GPR55: variants seen among roughly 807,000 people sequenced by gnomAD.
GPR55 encodes the protein G protein-coupled receptor 55, also known as G-protein coupled receptor 55.
In GPR55, 6 loss-of-function variants were observed where a neutral mutation model predicts 7.9. That is an observed-to-expected ratio of 0.76 (90% CI 0.41 to 1.49). GPR55 has a LOEUF of 1.49. Ranked by LOEUF, GPR55 falls within the 40% of genes most tolerant of loss-of-function variation. The probability of loss-of-function intolerance (pLI) is 0.01; values close to 1 mark genes in which losing one functional copy is unlikely to be tolerated. For missense variants in GPR55, 376 were observed against 406.0 expected (o/e 0.93, Z 0.63); for synonymous variants, 183 against 166.8 (o/e 1.10, Z -0.75).
rs1690863413 is a variant in GPR55, at chr2:230,922,558, T to C, written c.-135+2610A>G. 3.3e-5 allele frequency among the ~76,000 whole-genome samples: 5 copies of C among 152,222 alleles called. No individual in the cohort carries two copies. The South Asian group carries it at 1.0e-3, about 32-fold the overall frequency. ...ACCCAATTAATTTTTTATTTTTTGATTTTAAAATTTATTTTTATTTATTTA... is the reference window on the plus strand; with the variant it reads ...ACCCAATTAATTTTTTATTTTTTGACTTTAAAATTTATTTTTATTTATTTA... On this transcript the variant is annotated intron_variant, in intron 1 of 1. Coordinates refer to ENST00000650999, the MANE Select transcript of GPR55 (RefSeq NM_005683.4).
At position 230,924,887 on chromosome 2, in the gene GPR55, C is replaced by A. The variant is rs1411704679; in HGVS notation, c.-135+281G>T. On this transcript the variant is annotated intron_variant, in intron 1 of 1. Coordinates refer to ENST00000650999, the MANE Select transcript of GPR55 (RefSeq NM_005683.4). This position sits in a 1 kb window ranked among gnomAD's most constrained non-coding sequence, Gnocchi z 4.5. ...TTCCCGACCCGACATGATGCTGCAA[C>A]CCTGAGTCAGATCAGGAGGAAGTTG... 1.3e-5 allele frequency among the ~76,000 whole-genome samples: 2 copies of A among 152,132 alleles called. No individual in the cohort carries two copies. The highest frequency in any genetic ancestry group is 4.8e-5 in the African/African-American group (2 of 41,432).
intron 1 of GPR55, among the ~76,000 whole-genome samples, chr2:230,951,724 G>A (rs1691405833): frequency 6.6e-6 from 1 of 150,774 alleles, no homozygotes. Context: ...GCCCAGAGAA[G>A]GTACATTTGT....
chr2:230,940,143 G>A (rs76430782), intron 1 of GPR55, among the ~76,000 whole-genome samples: 3,705 of 152,120 alleles, frequency 0.024, 140 homozygotes, highest in African/African-American at 0.085. Flanking sequence ...GCCTCCCAGG[G>A]GCAGGCGGGA....
At chr2:230,955,460 A>C (rs527829911) in intron 1 of GPR55, among the ~76,000 whole-genome samples, 89 of 152,344 alleles carry the variant, frequency 5.8e-4, no homozygotes, top group African/African-American at 2.1e-3. Context: ...GAATTCCCAC[A>C]ACACAGACAC....
At chr2:230,914,886 T>C (rs1690674226) in intron 1 of GPR55, among the ~76,000 whole-genome samples, 1 of 152,140 alleles carries the variant, frequency 6.6e-6, no homozygotes, top group Non-Finnish European at 1.5e-5. Context: ...TGAAGGATAG[T>C]TGGGAGAGAG....
intron 1 of GPR55, among the ~76,000 whole-genome samples, chr2:230,943,797 G>C (rs570765649): frequency 1.5e-4 from 23 of 152,138 alleles, no homozygotes; most frequent in Admixed American, 5.2e-4. Context: ...CCCCTCCTCT[G>C]CTCCCACTCT....
At chr2:230,928,965 C>T (rs1240380287), upstream of GPR55, among the ~76,000 whole-genome samples, 1 of 152,196 alleles carries the variant, frequency 6.6e-6, no homozygotes, top group East Asian at 1.9e-4. Context: ...TGGCCTCTCC[C>T]CTCCCATTCT....
upstream of GPR55, among the ~76,000 whole-genome samples, chr2:230,927,433 C>A (rs764940901): frequency 6.6e-6 from 1 of 152,260 alleles, no homozygotes; most frequent in Non-Finnish European, 1.5e-5. Flanking sequence ...CCCAAGGCCC[C>A]GTCCTAAGGC....
At chr2:230,921,326 G>C (rs575058741) in intron 1 of GPR55, among the ~76,000 whole-genome samples, 5 of 152,208 alleles carry the variant, frequency 3.3e-5, no homozygotes, top group Non-Finnish European at 7.3e-5. Context: ...TAGACTAGCA[G>C]ATCAGGGAGA....
At chr2:230,955,800 C>T (rs10196605) in intron 1 of GPR55, among the ~76,000 whole-genome samples, 9,766 of 151,648 alleles carry the variant, frequency 0.064, 710 homozygotes, top group East Asian at 0.4. Context: ...GATCACGGCT[C>T]ACTGCAGCCT....
In GPR55 at chr2:230,916,199, C is replaced by A. The variant is rs114566379; in HGVS notation, c.-134-5103G>T. Among the ~76,000 whole-genome samples the A allele has an allele frequency of 7.9e-3, 1,202 of 151,882 alleles. 14 individuals carry two copies. The highest frequency in any genetic ancestry group is 0.028 in the African/African-American group (1,149 of 41,434). ...GACCAGCCTGGGCAACATAGTGAAACTTCATCTCTCCAAAAAAGAAAAAAA... is the reference window on the plus strand; with the variant it reads ...GACCAGCCTGGGCAACATAGTGAAAATTCATCTCTCCAAAAAAGAAAAAAA... On this transcript the variant is annotated intron_variant, in intron 1 of 1. Coordinates refer to ENST00000650999, the MANE Select transcript of GPR55 (RefSeq NM_005683.4).
chr2:230,959,965 A>G (rs563585052), intron 1 of GPR55, among the ~76,000 whole-genome samples: 1 of 152,388 alleles, frequency 6.6e-6, no homozygotes, highest in South Asian at 2.1e-4. Context: ...AGTCAGACTC[A>G]GAAAAGCTCT....
upstream of GPR55, among the ~76,000 whole-genome samples, chr2:230,926,689 T>A: frequency 7.7e-6 from 1 of 130,236 alleles, no homozygotes; most frequent in African/African-American, 3.1e-5. Context: ...CTTCTTTTTT[T>A]TTTTTTTTTT....
intron 1 of GPR55, among the ~76,000 whole-genome samples, chr2:230,931,040 C>T (rs979954197): frequency 6.6e-6 from 1 of 152,200 alleles, no homozygotes; most frequent in African/African-American, 2.4e-5. Context: ...GCCACTCCCC[C>T]GGGAACTGTG....
At chr2:230,938,990 C>T (rs1336672538) in intron 1 of GPR55, among the ~76,000 whole-genome samples, 2 of 152,192 alleles carry the variant, frequency 1.3e-5, no homozygotes, top group African/African-American at 2.4e-5. Flanking sequence ...CCCACCTCGC[C>T]GCCTGGGGCA....
At chr2:230,947,220 C>T (rs921214646) in intron 1 of GPR55, among the ~76,000 whole-genome samples, 1 of 152,156 alleles carries the variant, frequency 6.6e-6, no homozygotes, top group African/African-American at 2.4e-5. Flanking sequence ...TGGTCAGCAC[C>T]ACCAGAGTTT....
At chr2:230,915,682 C>T (rs1011998881) in intron 1 of GPR55, among the ~76,000 whole-genome samples, 26 of 152,298 alleles carry the variant, frequency 1.7e-4, no homozygotes, top group African/African-American at 4.8e-4. Context: ...CTGAATGTCC[C>T]GCTGACATGT....
chr2:230,927,467 C>T (rs184210138), upstream of GPR55, among the ~76,000 whole-genome samples: 463 of 152,346 alleles, frequency 3.0e-3, 2 homozygotes, highest in Non-Finnish European at 4.5e-3. Flanking sequence ...TCGAGCTTTT[C>T]GCCTCCCCTT....
At chr2:230,945,703 G>C (rs1016824235) in intron 1 of GPR55, among the ~76,000 whole-genome samples, 1 of 152,180 alleles carries the variant, frequency 6.6e-6, no homozygotes, top group East Asian at 1.9e-4. Context: ...CTCCCAAGTA[G>C]CTGGGACTAC....
Sources: allele counts gnomAD v4.1 joint callset (sites outside exome capture counted in the v4.1 genomes callset), GRCh38; gene constraint gnomAD v4.1.1; non-coding constraint Gnocchi (gnomAD v3.1); transcripts MANE v1.5; gene names NCBI Gene and HGNC (gene_info 2026-07-23, HGNC 2026-07-21).